Variants in ARHGAP5 observed in about 807,000 individuals in gnomAD.
ARHGAP5 encodes rho GTPase-activating protein 5.
A neutral mutation model predicts 116.6 loss-of-function variants in ARHGAP5; 23 were observed. The observed-to-expected ratio is 0.20, with a 90% confidence interval of 0.14 to 0.28. The LOEUF (loss-of-function observed/expected upper bound fraction) is 0.28, where lower values mean the gene tolerates loss of function less well. Among genes scored for constraint, ARHGAP5 ranks in the 10% least tolerant of loss-of-function variants. The pLI is 1.00. For missense variants in ARHGAP5, 1,405 were observed against 1,774.8 expected (o/e 0.79, Z 3.74); for synonymous variants, 574 against 602.0 (o/e 0.95, Z 0.68).
rs1566660679 is a variant in ARHGAP5, at chr14:32,092,328, T to C, written c.1659T>C (p.Thr553=). 6.2e-7 allele frequency: 1 copy of C among 1,613,818 alleles called. No individual in the cohort carries two copies. The highest frequency in any genetic ancestry group is 8.5e-7 in the Non-Finnish European group (1 of 1,179,816). Residue 553 remains threonine, a synonymous_variant, in exon 2 of 7, where the codon ACT becomes ACC. Transcript: ENST00000345122. This position sits in a 1 kb window ranked among gnomAD's most constrained non-coding sequence, Gnocchi z 4.1. ...LKHIGFVYHP[T]KETCLSGQNC... is the part of the protein sequence containing the mutation. ...ATATAGGATTTGTTTATCATCCCAC[T>C]AAAGAAACATGTCTTAGTGGCCAAA...
chr14:32,092,435 A>G lies in ARHGAP5; in HGVS notation c.1766A>G (p.Asp589Gly). 1 of 1,613,844 alleles carries G rather than the reference A, an allele frequency of 6.2e-7. No individual in the cohort carries two copies. Among genetic ancestry groups the G allele is most frequent in the South Asian group, 1.1e-5 (1 of 91,036 alleles). ...CATGGCCGCTTAAGATTATATCACG[A>G]TAGTACCAATATAGATAAAGTTAAC... ...LDHGRLRLYH[D>G]STNIDKVNLF... is the part of the protein sequence containing the mutation. Residue 589 changes from aspartate to glycine, a missense_variant, in exon 2 of 7, where the codon GAT becomes GGT. Transcript: ENST00000345122. This position sits in a 1 kb window ranked among gnomAD's most constrained non-coding sequence, Gnocchi z 4.1.
intron 3 of ARHGAP5, among the ~76,000 whole-genome samples, chr14:32,138,493 A>G (rs1280260427): frequency 1.3e-5 from 2 of 152,096 alleles, no homozygotes; most frequent in African/African-American, 4.8e-5. Flanking sequence ...CATGTTGCCC[A>G]GACTGGTCTC....
chr14:32,088,844 C>G (rs2041856333), intron 1 of ARHGAP5, among the ~76,000 whole-genome samples: 1 of 151,868 alleles, frequency 6.6e-6, no homozygotes, highest in African/African-American at 2.4e-5. Flanking sequence ...CTAGGCACTT[C>G]ACATTTTAAA....
At chr14:32,099,849 G>A (rs1878709609) in intron 2 of ARHGAP5, among the ~76,000 whole-genome samples, 1 of 152,172 alleles carries the variant, frequency 6.6e-6, no homozygotes, top group Non-Finnish European at 1.5e-5. Flanking sequence ...ATCTAAGGAA[G>A]ATTCAGATAT....
chr14:32,116,746 A>G (rs183242317), intron 2 of ARHGAP5, among the ~76,000 whole-genome samples: 54 of 152,340 alleles, frequency 3.5e-4, no homozygotes, highest in African/African-American at 1.2e-3. Context: ...TTACAAATAT[A>G]GATAGACACA....
At chr14:32,077,908 A>G (rs1048512219) in intron 1 of ARHGAP5, among the ~76,000 whole-genome samples, 1 of 152,118 alleles carries the variant, frequency 6.6e-6, no homozygotes, top group African/African-American at 2.4e-5. Context: ...TCTCGGTTGC[A>G]AACTTAAACG....
At chr14:32,095,756 A>G (rs1286967347) in intron 2 of ARHGAP5, among the ~76,000 whole-genome samples, 1 of 152,080 alleles carries the variant, frequency 6.6e-6, no homozygotes, top group Non-Finnish European at 1.5e-5. Context: ...TACAGCACAT[A>G]CTCAACTCAT....
At chr14:32,149,414 A>G (rs954571141) in intron 4 of ARHGAP5, among the ~76,000 whole-genome samples, 2 of 151,918 alleles carry the variant, frequency 1.3e-5, no homozygotes, top group African/African-American at 4.8e-5. Context: ...TTTTTTTATT[A>G]TAACAGAAAA....
intron 6 of ARHGAP5, 76 bp downstream of exon 6, chr14:32,152,604 G>T: frequency 1.3e-6 from 1 of 788,792 alleles, no homozygotes; most frequent in Non-Finnish European, 2.0e-6. Context: ...TTATAAATTG[G>T]ATAATTATCA....
chr14:32,091,399 C>G lies in ARHGAP5; in HGVS notation c.730C>G (p.Gln244Glu), dbSNP rs1343539544. ...TGAAACATGTTTTACTGCACTGGTA[C>G]AAATGTTGGATAAAACTCGTAGCAA... ...NIETCFTALV[Q>E]MLDKTRSKPK... The change falls in exon 2 of 7, where the codon CAA (glutamine) becomes GAA (glutamate). Residue 244 changes from glutamine to glutamate, a missense_variant. Transcript: ENST00000345122. The G allele has an allele frequency of 6.2e-7, 1 of 1,611,140 alleles. No individual in the cohort carries two copies.
chr14:32,138,163 G>C (rs932535802), intron 3 of ARHGAP5, among the ~76,000 whole-genome samples: 2 of 151,816 alleles, frequency 1.3e-5, no homozygotes, highest in Non-Finnish European at 2.9e-5. Flanking sequence ...TTTTTTTCTT[G>C]ATTTCATCTT....
At chr14:32,140,590 AAAAAAAG>A (rs1263379207) in intron 3 of ARHGAP5, among the ~76,000 whole-genome samples, 1 of 152,130 alleles carries the variant, frequency 6.6e-6, no homozygotes, top group Non-Finnish European at 1.5e-5. Flanking sequence ...ACTCTGTCTC[AAAAAAAG>A]AAAAAAGAAT....
intron 1 of ARHGAP5, among the ~76,000 whole-genome samples, chr14:32,085,701 G>A (rs1440885002): frequency 6.6e-6 from 1 of 152,140 alleles, no homozygotes; most frequent in Non-Finnish European, 1.5e-5. Flanking sequence ...GATAGAGCAT[G>A]TAATTACAAA....
chr14:32,096,424 AAATAG>A (rs1178596514), intron 2 of ARHGAP5, among the ~76,000 whole-genome samples: 6 of 152,222 alleles, frequency 3.9e-5, no homozygotes, highest in Non-Finnish European at 8.8e-5. Flanking sequence ...AAAGACTAAA[AAATAG>A]AATAGACAAA....
At chr14:32,097,898 G>A (rs1053557055) in intron 2 of ARHGAP5, among the ~76,000 whole-genome samples, 1 of 152,220 alleles carries the variant, frequency 6.6e-6, no homozygotes, top group African/African-American at 2.4e-5. Flanking sequence ...CAAGTCCCCA[G>A]GAATAATTAA....
Position 32,091,010 on chromosome 14 carries a change from C to T in ARHGAP5, c.341C>T (p.Pro114Leu). Reference protein sequence around the residue: ...FLPHRSTNLQPYIKRAAASKL... With the variant: ...FLPHRSTNLQLYIKRAAASKL... The stretch of plus-strand genomic sequence containing the variant: ...CCTCATCGGAGTACGAATTTGCAAC[C>T]ATATATAAAACGTGCAGCTGCATCT... The change falls in exon 2 of 7, where the codon CCA becomes CTA. Residue 114 changes from proline (P) to leucine (L), a missense_variant. Transcript: ENST00000345122. The T allele has an allele frequency of 2.5e-6, 4 of 1,613,594 alleles. No homozygotes were observed. Among genetic ancestry groups the T allele is most frequent in the Non-Finnish European group, 3.4e-6 (4 of 1,179,662 alleles).
chr14:32,115,453 G>A (rs575181555), intron 2 of ARHGAP5, among the ~76,000 whole-genome samples: 1 of 152,182 alleles, frequency 6.6e-6, no homozygotes, highest in African/African-American at 2.4e-5. Context: ...CACGAGGTCA[G>A]GAGATGGAGA....
intron 3 of ARHGAP5, among the ~76,000 whole-genome samples, chr14:32,134,629 G>A (rs1880690200): frequency 6.6e-6 from 1 of 152,086 alleles, no homozygotes; most frequent in Non-Finnish European, 1.5e-5. Context: ...CAGTATCAGG[G>A]ACAATATATT....
intron 3 of ARHGAP5, among the ~76,000 whole-genome samples, chr14:32,120,607 CT>C (rs772226735): frequency 0.067 from 9,230 of 137,130 alleles, 728 homozygotes; most frequent in African/African-American, 0.2. Flanking sequence ...TTGTAATTTC[CT>C]TTTTTTTTTT....
Sources: gnomAD v4.1 joint callset for allele counts (sites outside exome capture counted in the v4.1 genomes callset) on GRCh38, gnomAD v4.1.1 for gene constraint, Gnocchi (gnomAD v3.1) non-coding constraint, MANE v1.5 for transcripts, NCBI Gene and HGNC (gene_info 2026-07-23, HGNC 2026-07-21) for gene names.